Variants in SORBS2 observed in about 807,000 individuals in gnomAD.
SORBS2 encodes the protein sorbin and SH3 domain containing 2.
SORBS2 carries 46 observed loss-of-function variants against 97.7 expected under a neutral mutation model. That is an observed-to-expected ratio of 0.47 (90% CI 0.37 to 0.60). The LOEUF is 0.60. Ranked by LOEUF, SORBS2 falls within the 20% of genes least tolerant of loss-of-function variation. The pLI is 0.00. For missense variants in SORBS2, 1,316 were observed against 1,282.3 expected, an observed-to-expected ratio of 1.03 and a Z score of -0.40; for synonymous variants, 476 against 473.4, an observed-to-expected ratio of 1.01 and a Z score of -0.07.
At chr4:185,692,725 A>T (rs1189877336) in intron 2 of SORBS2, among the ~76,000 whole-genome samples, 1 of 152,216 alleles carries the variant, frequency 6.6e-6, no homozygotes, top group East Asian at 1.9e-4. Context: ...TATGAAATAT[A>T]ATTATAAAGC....
At chr4:185,827,337 C>T (rs2099201304) in intron 1 of SORBS2, among the ~76,000 whole-genome samples, 2 of 25,696 alleles carry the variant, frequency 7.8e-5, no homozygotes, top group Admixed American at 2.9e-4. Flanking sequence ...TCATCATCAT[C>T]ATCATCATCA....
At chr4:185,887,725 A>G (rs1323715560) in intron 1 of SORBS2, among the ~76,000 whole-genome samples, 1 of 152,198 alleles carries the variant, frequency 6.6e-6, no homozygotes, top group Non-Finnish European at 1.5e-5. Flanking sequence ...CCCTCCTACT[A>G]TAGGAAACTA....
chr4:185,794,179 T>A (rs2099094670), intron 1 of SORBS2, among the ~76,000 whole-genome samples: 1 of 152,230 alleles, frequency 6.6e-6, no homozygotes, highest in Non-Finnish European at 1.5e-5. Flanking sequence ...CACTTCAAAT[T>A]GTTTTTTGGA....
intron 1 of SORBS2, among the ~76,000 whole-genome samples, chr4:185,784,275 G>T (rs1584784495): frequency 6.6e-6 from 1 of 152,058 alleles, no homozygotes; most frequent in Admixed American, 6.5e-5. Context: ...GGGACTACAG[G>T]CACCTGCCAC....
chr4:185,888,869 C>G (rs1394722324), intron 1 of SORBS2, among the ~76,000 whole-genome samples: 1 of 152,224 alleles, frequency 6.6e-6, no homozygotes, highest in African/African-American at 2.4e-5. Context: ...TGTTTGCAAA[C>G]TGCATGAGAT....
intron 2 of SORBS2, among the ~76,000 whole-genome samples, chr4:185,706,465 C>G (rs575327076): frequency 5.3e-4 from 81 of 152,236 alleles, no homozygotes; most frequent in Admixed American, 7.8e-4. Context: ...GGTTGTGTCT[C>G]AAGTATACAC....
At chr4:185,794,284 A>C (rs546717820) in intron 1 of SORBS2, among the ~76,000 whole-genome samples, 2 of 152,168 alleles carry the variant, frequency 1.3e-5, no homozygotes, top group Middle Eastern at 3.4e-3. Flanking sequence ...GGAGGGAGGA[A>C]ATCCAGGCAG....
At chr4:185,863,404 A>T (rs1348427811) in intron 1 of SORBS2, among the ~76,000 whole-genome samples, 1 of 152,196 alleles carries the variant, frequency 6.6e-6, no homozygotes, top group Non-Finnish European at 1.5e-5. Context: ...TCCTATGCTT[A>T]TTTCCTTCTG....
At chr4:185,915,753 T>C (rs890085763) in intron 1 of SORBS2, among the ~76,000 whole-genome samples, 2 of 152,086 alleles carry the variant, frequency 1.3e-5, no homozygotes, top group African/African-American at 4.8e-5. Flanking sequence ...TAATACTCAC[T>C]CTACTGAATG....
intron 1 of SORBS2, among the ~76,000 whole-genome samples, chr4:185,846,026 C>T (rs1375876934): frequency 6.6e-6 from 1 of 152,222 alleles, no homozygotes; most frequent in Non-Finnish European, 1.5e-5. Flanking sequence ...CTTCATGCCA[C>T]CTGGCAGTCC....
At chr4:185,924,971 AC>A (rs2099262894) in intron 1 of SORBS2, among the ~76,000 whole-genome samples, 1 of 152,022 alleles carries the variant, frequency 6.6e-6, no homozygotes, top group Non-Finnish European at 1.5e-5. Context: ...ACTTGTTCCC[AC>A]CCCAAAAATC....
intron 4 of SORBS2, among the ~76,000 whole-genome samples, chr4:185,642,348 T>C (rs903547802): frequency 1.3e-5 from 2 of 152,222 alleles, no homozygotes; most frequent in South Asian, 2.1e-4. Flanking sequence ...AACATTTTCA[T>C]ATATTTTTTT....
rs1354381349 is a variant in SORBS2, at chr4:185,623,622, C to T, written c.1507G>A (p.Asp503Asn). 1.2e-6 allele frequency: 2 copies of T among 1,614,090 alleles called. No homozygotes were observed. Among genetic ancestry groups the T allele is most frequent in the Non-Finnish European group, 8.5e-7 (1 of 1,180,018 alleles). ...TGGTCGGACACAACCCCGTCCTGGTCGCTGTCGGAAAACTCCACGTGTGCT... is the reference window on the plus strand; with the variant it reads ...TGGTCGGACACAACCCCGTCCTGGTTGCTGTCGGAAAACTCCACGTGTGCT... The change falls in exon 7 of 15, where the codon GAC becomes AAC. Residue 503 changes from aspartate (D) to asparagine (N), a missense_variant. Physicochemically the swap from Asp to Asn is conservative, Grantham distance 23. Coordinates refer to ENST00000418609, the Ensembl canonical transcript of SORBS2. The surrounding 1 kb of genome is among the most constrained non-coding windows in gnomAD (Gnocchi z 6.4).
At chr4:185,878,297 TG>T (rs2099234812) in intron 1 of SORBS2, among the ~76,000 whole-genome samples, 1 of 152,194 alleles carries the variant, frequency 6.6e-6, no homozygotes, top group African/African-American at 2.4e-5. Context: ...TAACATGATC[TG>T]AAAAGCAATA....
chr4:185,931,034 T>C (rs983087936), intron 1 of SORBS2, among the ~76,000 whole-genome samples: 1 of 138,782 alleles, frequency 7.2e-6, no homozygotes, highest in Admixed American at 7.2e-5. Context: ...CATGAATATA[T>C]TTAAAGTGAT....
chr4:185,709,496 ATG>A lies in SORBS2; in HGVS notation c.-197-30676_-197-30675del, dbSNP rs1308740234. Among the ~76,000 whole-genome samples, 17 of 151,992 alleles carry A rather than the reference ATG, an allele frequency of 1.1e-4. No homozygotes were observed. In the East Asian group the frequency reaches 3.3e-3, roughly 29 times the overall value. ...GGTAATACATGTTGTTACTTTTTAAATGTGTTTTTGTTACTTTTAAAATGAAA... is the reference window on the plus strand; with the variant it reads ...GGTAATACATGTTGTTACTTTTTAAATGTTTTTGTTACTTTTAAAATGAAA... On this transcript the variant is annotated intron_variant, in intron 2 of 20. Transcript: ENST00000284776.
chr4:185,916,809 A>G (rs1424371880), intron 1 of SORBS2, among the ~76,000 whole-genome samples: 1 of 152,204 alleles, frequency 6.6e-6, no homozygotes. Context: ...GTGGCCCCAA[A>G]TAGTAACAGT....
At chr4:185,826,337 C>T (rs1242705604) in intron 1 of SORBS2, among the ~76,000 whole-genome samples, 2 of 152,212 alleles carry the variant, frequency 1.3e-5, no homozygotes, top group African/African-American at 4.8e-5. Context: ...TCATCGACCA[C>T]TACTACCTGT....
chr4:185,652,894 G>A (rs545390614), intron 1 of SORBS2, among the ~76,000 whole-genome samples, 166 bp from the exon 10 acceptor site: 2 of 152,288 alleles, frequency 1.3e-5, no homozygotes, highest in South Asian at 4.1e-4. Context: ...AATTTACTTA[G>A]TTATGTGTGC....
Sources: gnomAD v4.1 joint callset for allele counts (sites outside exome capture counted in the v4.1 genomes callset) on GRCh38, gnomAD v4.1.1 for gene constraint, Gnocchi (gnomAD v3.1) non-coding constraint, MANE v1.5 for transcripts, NCBI Gene and HGNC (gene_info 2026-07-23, HGNC 2026-07-21) for gene names.